The following PATJ variants were observed in gnomAD, a reference collection of about 807,000 sequenced individuals.
PATJ encodes inaD-like protein.
A neutral mutation model predicts 224.9 loss-of-function variants in PATJ; 190 were observed. The observed-to-expected ratio is 0.84, with a 90% CI of 0.75 to 0.95. The LOEUF (loss-of-function observed/expected upper bound fraction) is 0.95, where lower values mean the gene tolerates loss of function less well. Ranked by LOEUF, PATJ falls within the 40% of genes least tolerant of loss-of-function variation. PATJ has a pLI of 0.00. For synonymous variants in PATJ, 769 were observed against 820.3 expected, an observed-to-expected ratio of 0.94 and a Z score of 1.07; for missense variants, 2,121 against 2,270.3, an observed-to-expected ratio of 0.93 and a Z score of 1.34.
chr1:61,776,281 C>G (rs1356579869), intron 7 of PATJ, among the ~76,000 whole-genome samples: 1 of 152,160 alleles, frequency 6.6e-6, no homozygotes, highest in East Asian at 1.9e-4. Flanking sequence ...CTGTGAGATC[C>G]AAACAGCTTT....
chr1:62,158,453 C>T (rs537785363), intron 43 of PATJ, among the ~76,000 whole-genome samples: 4 of 148,434 alleles, frequency 2.7e-5, no homozygotes, highest in South Asian at 4.5e-4. Flanking sequence ...GTCACGGTGG[C>T]TCACACCTGT....
chr1:61,811,398 T>G (rs1341145130), intron 14 of PATJ, among the ~76,000 whole-genome samples: 2 of 151,926 alleles, frequency 1.3e-5, no homozygotes, highest in Non-Finnish European at 2.9e-5. Flanking sequence ...CTGGCTAATT[T>G]TTTCTATTTT....
chr1:61,754,518 A>ATTTTTT (rs1557582039), intron 1 of PATJ, among the ~76,000 whole-genome samples: 6 of 108,416 alleles, frequency 5.5e-5, no homozygotes, highest in Admixed American at 1.2e-4. Flanking sequence ...AATTTTTTGC[A>ATTTTTT]TGTTTTTTTT....
At chr1:62,043,723 G>A (rs1251826064) in intron 30 of PATJ, among the ~76,000 whole-genome samples, 1 of 130,662 alleles carries the variant, frequency 7.7e-6, no homozygotes, top group Admixed American at 8.0e-5. Context: ...TTTGGTTTTG[G>A]TTTGGGGGGG....
chr1:61,885,884 G>A (rs1668753928), intron 22 of PATJ, among the ~76,000 whole-genome samples: 1 of 151,892 alleles, frequency 6.6e-6, no homozygotes, highest in African/African-American at 2.4e-5. Flanking sequence ...GTAGGGACAT[G>A]GATGAAATTG....
chr1:62,092,750 T>A (rs114518932), intron 33 of PATJ, among the ~76,000 whole-genome samples: 2,115 of 151,040 alleles, frequency 0.014, 46 homozygotes, highest in African/African-American at 0.048. Context: ...TTATTTATTT[T>A]TTTATTTTTT....
intron 31 of PATJ, among the ~76,000 whole-genome samples, chr1:62,074,096 A>C (rs1657888559): frequency 6.6e-6 from 1 of 151,804 alleles, no homozygotes; most frequent in South Asian, 2.1e-4. Context: ...TTTTATATTT[A>C]AGAAACTATA....
intron 14 of PATJ, among the ~76,000 whole-genome samples, chr1:61,809,312 G>A (rs1654211591): frequency 1.3e-5 from 2 of 151,850 alleles, no homozygotes; most frequent in Admixed American, 1.3e-4. Context: ...AAGTCATAGT[G>A]TAATTCTGCA....
At chr1:61,939,702 T>TTTTTTG (rs1677492409) in intron 27 of PATJ, among the ~76,000 whole-genome samples, 1 of 131,948 alleles carries the variant, frequency 7.6e-6, no homozygotes, top group Non-Finnish European at 1.6e-5. Context: ...TTTTTTTTTT[T>TTTTTTG]GAGACGTTGT....
intron 25 of PATJ, among the ~76,000 whole-genome samples, chr1:61,912,673 G>A (rs1031437659): frequency 7.8e-6 from 1 of 128,062 alleles, no homozygotes; most frequent in Admixed American, 7.8e-5. Context: ...AGGGAGGGAG[G>A]GAGGGGAGGG....
At chr1:62,027,377 T>TG (rs1230730769) in intron 29 of PATJ, among the ~76,000 whole-genome samples, 1 of 152,238 alleles carries the variant, frequency 6.6e-6, no homozygotes, top group Non-Finnish European at 1.5e-5. Flanking sequence ...GATAGGTACT[T>TG]GGGTTGCTTC....
chr1:61,913,704 T>C (rs141120919), intron 25 of PATJ, among the ~76,000 whole-genome samples: 2 of 152,346 alleles, frequency 1.3e-5, no homozygotes, highest in Non-Finnish European at 2.9e-5. Flanking sequence ...CTACTCTCAT[T>C]AAGCTTATTC....
At chr1:62,070,345 G>T (rs558854258) in intron 31 of PATJ, among the ~76,000 whole-genome samples, 2 of 152,264 alleles carry the variant, frequency 1.3e-5, no homozygotes, top group South Asian at 4.1e-4. Context: ...AAAGGCCACA[G>T]AGTCATCTTC....
chr1:62,079,532 C>T lies in PATJ; in HGVS notation c.4208C>T (p.Ser1403Leu). 1 of 1,612,088 alleles carries T rather than the reference C, an allele frequency of 6.2e-7. No homozygotes were observed. The highest frequency in any genetic ancestry group is 8.5e-7 in the Non-Finnish European group (1 of 1,178,162). Reference protein sequence around the residue: ...SQEIPLAPASSYHSTDADFTG... With the variant: ...SQEIPLAPASLYHSTDADFTG... ...GAGATACCATTAGCACCAGCTTCAT[C>T]ATACCATTCAACAGATGCAGACTTC... Residue 1403 changes from serine to leucine, a missense_variant, in exon 32 of 44, where the codon TCA (serine) becomes TTA (leucine). Coordinates refer to ENST00000642238, the MANE Select transcript of PATJ (RefSeq NM_001350145.3).
chr1:62,044,207 A>G (rs1323232615), intron 30 of PATJ, among the ~76,000 whole-genome samples: 1 of 152,242 alleles, frequency 6.6e-6, no homozygotes, highest in African/African-American at 2.4e-5. Flanking sequence ...GCTGTACAAC[A>G]GATCTCTAGA....
At chr1:61,760,028 T>C (rs1376302882) in intron 1 of PATJ, among the ~76,000 whole-genome samples, 1 of 152,228 alleles carries the variant, frequency 6.6e-6, no homozygotes, top group Non-Finnish European at 1.5e-5. Context: ...GAGAGGTTGA[T>C]GTGTTAATGA....
chr1:62,147,559 G>A (rs1195985198), intron 41 of PATJ, among the ~76,000 whole-genome samples: 1 of 152,292 alleles, frequency 6.6e-6, no homozygotes, highest in East Asian at 1.9e-4. Flanking sequence ...AGCACTTTGG[G>A]AGGCCAAGGT....
chr1:61,831,311 A>G (rs1659282193), intron 16 of PATJ, among the ~76,000 whole-genome samples: 1 of 152,182 alleles, frequency 6.6e-6, no homozygotes, highest in Non-Finnish European at 1.5e-5. Flanking sequence ...AGCAATTGCA[A>G]CAAAAACAAA....
At chr1:61,939,336 C>CACAT (rs1438364957) in intron 27 of PATJ, among the ~76,000 whole-genome samples, 2 of 112,388 alleles carry the variant, frequency 1.8e-5, no homozygotes, top group Non-Finnish European at 3.5e-5. Flanking sequence ...CACACACACA[C>CACAT]ACACACACAG....
Sources: allele counts gnomAD v4.1 joint callset (sites outside exome capture counted in the v4.1 genomes callset), GRCh38; gene constraint gnomAD v4.1.1; transcripts MANE v1.5; gene names NCBI Gene and HGNC (gene_info 2026-07-23, HGNC 2026-07-21).